The following RORB variants were observed in gnomAD, a reference collection of about 807,000 sequenced individuals.
RORB encodes RAR related orphan receptor B, also known as nuclear receptor ROR-beta.
In RORB, 6 loss-of-function variants were observed where a neutral mutation model predicts 59.1. The ratio of observed to expected loss-of-function variants is 0.10; its 90% CI spans 0.06 to 0.20. RORB has a LOEUF of 0.20. Among genes scored for constraint, RORB ranks in the 10% least tolerant of loss-of-function variants. The pLI, the probability that RORB is intolerant of heterozygous loss-of-function variation, is 1.00. For synonymous variants in RORB, 215 were observed against 204.5 expected, an observed-to-expected ratio of 1.05 and a Z score of -0.44; for missense variants, 320 against 560.5, an observed-to-expected ratio of 0.57 and a Z score of 4.33.
intron 9 of RORB, among the ~76,000 whole-genome samples, chr9:74,684,657 T>G (rs72614690): frequency 0.058 from 8,888 of 152,238 alleles, 470 homozygotes; most frequent in East Asian, 0.29. Flanking sequence ...GATACATATA[T>G]CAAAACCTAA....
chr9:74,530,878 C>G (rs764295244), intron 1 of RORB, among the ~76,000 whole-genome samples: 9 of 151,914 alleles, frequency 5.9e-5, no homozygotes, highest in Admixed American at 5.9e-4. Context: ...CCCCCTACCC[C>G]CTACCCCACG....
At chr9:74,652,468 T>C (rs1824009813) in intron 4 of RORB, among the ~76,000 whole-genome samples, 1 of 152,248 alleles carries the variant, frequency 6.6e-6, no homozygotes, top group African/African-American at 2.4e-5. Flanking sequence ...TTAATCACTT[T>C]ATTAATCTAT....
At chr9:74,655,776 G>C (rs2118498625) in intron 4 of RORB, among the ~76,000 whole-genome samples, 1 of 152,132 alleles carries the variant, frequency 6.6e-6, no homozygotes, top group Non-Finnish European at 1.5e-5. Context: ...CTTTCTAATT[G>C]ACAGAATGAG....
At chr9:74,664,130 ACT>A (rs1406437706) in intron 6 of RORB, among the ~76,000 whole-genome samples, 1 of 152,152 alleles carries the variant, frequency 6.6e-6, no homozygotes, top group Non-Finnish European at 1.5e-5. Flanking sequence ...CTTGAGCTAA[ACT>A]CTCTAGATAG....
intron 1 of RORB, among the ~76,000 whole-genome samples, chr9:74,504,275 T>C (rs1825839430): frequency 2.6e-5 from 4 of 152,050 alleles, no homozygotes; most frequent in Admixed American, 1.3e-4. Context: ...GGTACAGTAT[T>C]TTATACTCAA....
Position 74,689,585 on chromosome 9 carries a change from A to G in RORB, c.*3967A>G, listed in dbSNP as rs1275473611. On this transcript the variant is annotated 3_prime_UTR_variant, in exon 10 of 10. Transcript: ENST00000376896. ...CTGAGTGATTAGATTTCTTTGGTAG[A>G]TTCCAAGAGATCTTAAATCATAATA... is the stretch of plus-strand genomic sequence containing the variant. The G allele has an allele frequency of 6.6e-6, 1 of 152,232 alleles. No individual in the cohort carries two copies. Among genetic ancestry groups the G allele is most frequent in the East Asian group, 1.9e-4 (1 of 5,202 alleles). 9.4% of individuals were successfully genotyped at this position (152,232 alleles called of 1,614,324 possible).
intron 1 of RORB, among the ~76,000 whole-genome samples, chr9:74,621,233 C>T (rs550868631): frequency 9.9e-5 from 15 of 152,072 alleles, no homozygotes; most frequent in Non-Finnish European, 2.1e-4. Flanking sequence ...GTTTCACTTC[C>T]CTAACAATTC....
chr9:74,663,113 G>T (rs1033770685), intron 6 of RORB, among the ~76,000 whole-genome samples: 4 of 151,952 alleles, frequency 2.6e-5, no homozygotes, highest in Non-Finnish European at 5.9e-5. Context: ...CAATCGCTGC[G>T]GAAGTAGCTC....
intron 1 of RORB, among the ~76,000 whole-genome samples, chr9:74,522,952 T>A (rs1826103652): frequency 6.6e-6 from 1 of 151,910 alleles, no homozygotes; most frequent in Non-Finnish European, 1.5e-5. Flanking sequence ...CACATCACAC[T>A]GATTTATAGG....
rs1051426648 is a variant in RORB at position 74,572,640 on chromosome 9, G to A, written c.8-57642G>A. Among the ~76,000 whole-genome samples the A allele has an allele frequency of 2.6e-4, 40 of 152,122 alleles. 1 individual carries two copies. Among genetic ancestry groups the A allele is most frequent in the Admixed American group, 2.4e-3 (36 of 15,262 alleles). On this transcript the variant is annotated intron_variant, in intron 1 of 9. Coordinates refer to ENST00000376896, the MANE Select transcript of RORB (RefSeq NM_006914.4). ...CAGAATCACACTGCCATTGCCCAGA[G>A]CTAAATTAAAACCGGTAAGGAGAAC...
rs1252272765 is a variant in RORB at position 74,691,088 on chromosome 9, G to A, written c.*5470G>A. ...GATTCCTATGCAGCAGATGGGGGTT[G>A]TCTGTTTGTGCACTTTTTTCCTAAG... On this transcript the variant is annotated 3_prime_UTR_variant, in exon 10 of 10. Transcript: ENST00000376896. 1.3e-5 allele frequency: 2 copies of A among 152,232 alleles called. No individual in the cohort carries two copies. Among genetic ancestry groups the A allele is most frequent in the East Asian group, 1.9e-4 (1 of 5,194 alleles). 9.4% of individuals were successfully genotyped at this position (152,232 alleles called of 1,614,324 possible). A position where few individuals can be genotyped will look rare whatever the true frequency, so the allele number is the denominator to read the frequency against.
intron 1 of RORB, among the ~76,000 whole-genome samples, chr9:74,515,486 A>G (rs192857200): frequency 7.2e-5 from 11 of 152,078 alleles, no homozygotes; most frequent in Non-Finnish European, 1.3e-4. Context: ...AGAGTGTTTT[A>G]TGAAGGAGCT....
chr9:74,568,191 C>G (rs545129085), intron 1 of RORB, among the ~76,000 whole-genome samples: 12 of 152,054 alleles, frequency 7.9e-5, no homozygotes, highest in African/African-American at 2.9e-4. Flanking sequence ...CTGGACAACA[C>G]TCACAAAAGC....
At chr9:74,641,924 A>C (rs1262389106) in intron 3 of RORB, among the ~76,000 whole-genome samples, 4 of 152,054 alleles carry the variant, frequency 2.6e-5, no homozygotes, top group African/African-American at 9.7e-5. Flanking sequence ...AAATTATTAT[A>C]AAAAATAAAA....
chr9:74,646,104 G>C (rs1377289738), intron 4 of RORB, among the ~76,000 whole-genome samples: 1 of 145,696 alleles, frequency 6.9e-6, no homozygotes, highest in African/African-American at 2.6e-5. Context: ...CATCCTGACT[G>C]GGTGAATTTG....
chr9:74,682,468 G>A (rs949206212), intron 9 of RORB, among the ~76,000 whole-genome samples: 3 of 151,848 alleles, frequency 2.0e-5, no homozygotes, highest in African/African-American at 7.3e-5. Context: ...GAGAGGTTAA[G>A]TGACTTGTCC....
At chr9:74,529,742 A>G (rs1826207486) in intron 1 of RORB, among the ~76,000 whole-genome samples, 2 of 151,900 alleles carry the variant, frequency 1.3e-5, no homozygotes, top group South Asian at 4.1e-4. Flanking sequence ...GTATAAAAGC[A>G]TGATACCTAG....
intron 1 of RORB, among the ~76,000 whole-genome samples, chr9:74,607,656 A>T (rs1823169601): frequency 6.6e-6 from 1 of 152,108 alleles, no homozygotes; most frequent in Non-Finnish European, 1.5e-5. Flanking sequence ...ATATCTATAT[A>T]CATATATACA....
At chr9:74,534,426 C>G (rs933338856) in intron 1 of RORB, among the ~76,000 whole-genome samples, 1 of 152,056 alleles carries the variant, frequency 6.6e-6, no homozygotes, top group African/African-American at 2.4e-5. Context: ...ACCCTCCAAT[C>G]TAATGAGTGC....
Sources: allele counts gnomAD v4.1 joint callset (sites outside exome capture counted in the v4.1 genomes callset), GRCh38; gene constraint gnomAD v4.1.1; transcripts MANE v1.5; gene names NCBI Gene and HGNC (gene_info 2026-07-23, HGNC 2026-07-21).